The following IGSF11 variants were observed in gnomAD, a reference collection of about 807,000 sequenced individuals.
IGSF11 encodes the protein immunoglobulin superfamily member 11.
In IGSF11, 22 loss-of-function variants were observed where a neutral mutation model predicts 41.0. That is an observed-to-expected ratio of 0.54 (90% CI 0.38 to 0.77). The LOEUF (loss-of-function observed/expected upper bound fraction) is 0.77, where lower values mean the gene tolerates loss of function less well. IGSF11 is among the 30% of genes least tolerant of loss of function. The pLI is 0.00. For missense variants in IGSF11, 444 were observed against 530.8 expected (o/e 0.84, Z 1.61); for synonymous variants, 219 against 201.3 (o/e 1.09, Z -0.74).
chr3:119,080,899 T>C (rs1269925973), intron 1 of IGSF11, among the ~76,000 whole-genome samples: 5 of 152,202 alleles, frequency 3.3e-5, no homozygotes, highest in Non-Finnish European at 7.4e-5. Context: ...TCAAAAAATC[T>C]ATTAATATAT....
chr3:119,113,051 T>C (rs752549690), intron 1 of IGSF11, among the ~76,000 whole-genome samples: 1 of 152,156 alleles, frequency 6.6e-6, no homozygotes, highest in Non-Finnish European at 1.5e-5. Flanking sequence ...GTCTCTCAGA[T>C]GTCACTACCA....
intron 1 of IGSF11, among the ~76,000 whole-genome samples, chr3:118,954,017 G>C (rs1944780662): frequency 6.6e-6 from 1 of 152,118 alleles, no homozygotes; most frequent in Non-Finnish European, 1.5e-5. Flanking sequence ...TTATCTTCTA[G>C]AATTTTTATG....
At chr3:118,985,779 T>A (rs1224356555) in intron 1 of IGSF11, among the ~76,000 whole-genome samples, 1 of 152,172 alleles carries the variant, frequency 6.6e-6, no homozygotes, top group African/African-American at 2.4e-5. Flanking sequence ...TTTAGCCCCT[T>A]ATCATCTCTC....
intron 1 of IGSF11, among the ~76,000 whole-genome samples, chr3:119,005,007 C>T (rs980993336): frequency 1.2e-4 from 18 of 150,006 alleles, no homozygotes; most frequent in African/African-American, 4.2e-4. Context: ...AGTTCAATTC[C>T]TGGGTATCCT....
chr3:119,000,303 T>C (rs1936688676), intron 1 of IGSF11, among the ~76,000 whole-genome samples: 1 of 150,758 alleles, frequency 6.6e-6, no homozygotes, highest in Non-Finnish European at 1.5e-5. Context: ...CTGTGCACTC[T>C]TGATTCACAA....
At chr3:119,052,099 C>A (rs1270752984) in intron 1 of IGSF11, among the ~76,000 whole-genome samples, 1 of 151,952 alleles carries the variant, frequency 6.6e-6, no homozygotes, top group African/African-American at 2.4e-5. Flanking sequence ...CAAACCCAAA[C>A]CCAGAAGAAG....
intron 1 of IGSF11, among the ~76,000 whole-genome samples, chr3:118,934,905 G>T (rs572557641): frequency 4.6e-5 from 7 of 152,072 alleles, no homozygotes; most frequent in African/African-American, 1.4e-4. Context: ...CCTCTGTCTG[G>T]TTTGCTTTGT....
At chr3:119,042,257 G>C (rs1453492246) in intron 1 of IGSF11, among the ~76,000 whole-genome samples, 2 of 152,244 alleles carry the variant, frequency 1.3e-5, no homozygotes, top group African/African-American at 4.8e-5. Flanking sequence ...GAATCAGAGA[G>C]AGGCCACAGG....
Position 118,960,339 on chromosome 3 carries a change from T to C in IGSF11, c.53-30064A>G, listed in dbSNP as rs145797803. ...ACCTAGATGTCCAGCAACAGAGAAA[T>C]TGTTCATCAAAAAACTATTATACGG... On this transcript the variant is annotated intron_variant, in intron 1 of 6. Transcript: ENST00000393775. 2.0e-3 allele frequency among the ~76,000 whole-genome samples: 304 copies of C among 152,274 alleles called. 1 individual carries two copies. Among genetic ancestry groups the C allele is most frequent in the African/African-American group, 6.2e-3 (259 of 41,548 alleles).
At chr3:118,947,926 T>C (rs1316912924) in intron 1 of IGSF11, 2 of 152,230 alleles carry the variant, frequency 1.3e-5, no homozygotes, top group Admixed American at 6.5e-5. Context: ...ATAGCTATAG[T>C]TCATTTATTT....
intron 1 of IGSF11, among the ~76,000 whole-genome samples, chr3:119,025,625 T>G (rs1939743593): frequency 2.6e-5 from 4 of 152,090 alleles, no homozygotes; most frequent in Non-Finnish European, 4.4e-5. Context: ...TGATGAGTCA[T>G]AATTTAAAGC....
intron 1 of IGSF11, among the ~76,000 whole-genome samples, chr3:119,025,240 C>G (rs1413602240): frequency 6.6e-6 from 1 of 152,112 alleles, no homozygotes; most frequent in Non-Finnish European, 1.5e-5. Flanking sequence ...ATTTTCAATA[C>G]TGGAAACCAT....
intron 1 of IGSF11, among the ~76,000 whole-genome samples, chr3:119,127,921 G>A (rs1352124002): frequency 6.6e-6 from 1 of 152,110 alleles, no homozygotes; most frequent in Non-Finnish European, 1.5e-5. Flanking sequence ...CTATGGAAAG[G>A]AAAAGCCGGT....
intron 1 of IGSF11, among the ~76,000 whole-genome samples, chr3:118,969,231 TATAAAA>T (rs1933087786): frequency 1.3e-5 from 2 of 151,948 alleles, no homozygotes; most frequent in South Asian, 2.1e-4. Flanking sequence ...CTGTAGTGAC[TATAAAA>T]ATAAAGAAAG....
intron 3 of IGSF11, 84 bp downstream of exon 3, chr3:118,928,425 G>A (rs1576393513): frequency 2.0e-6 from 2 of 1,018,320 alleles, no homozygotes; most frequent in African/African-American, 1.6e-5. Flanking sequence ...GACTGAAGGT[G>A]TAGAAACAAG....
At chr3:118,946,227 A>C (rs1156527257) in intron 1 of IGSF11, among the ~76,000 whole-genome samples, 4 of 147,830 alleles carry the variant, frequency 2.7e-5, no homozygotes, top group South Asian at 2.1e-4. Flanking sequence ...CACACACACA[A>C]ACATATATAT....
At chr3:119,123,464 C>G (rs530614293) in intron 1 of IGSF11, among the ~76,000 whole-genome samples, 2 of 152,206 alleles carry the variant, frequency 1.3e-5, no homozygotes, top group Admixed American at 6.5e-5. Context: ...CTAGCTTTGC[C>G]GCTTGCCACC....
chr3:118,935,479 A>C (rs1322886200), intron 1 of IGSF11, among the ~76,000 whole-genome samples: 2 of 150,396 alleles, frequency 1.3e-5, no homozygotes, highest in Non-Finnish European at 3.0e-5. Context: ...GCCAAAAGAG[A>C]CTTTTAAGAC....
chr3:119,127,591 A>C (rs1468250010), intron 1 of IGSF11, among the ~76,000 whole-genome samples: 1 of 152,142 alleles, frequency 6.6e-6, no homozygotes, highest in African/African-American at 2.4e-5. Context: ...CAACCCCAAG[A>C]CACACAATCA....
Sources: gnomAD v4.1 joint callset for allele counts (sites outside exome capture counted in the v4.1 genomes callset) on GRCh38, gnomAD v4.1.1 for gene constraint, MANE v1.5 for transcripts, NCBI Gene and HGNC (gene_info 2026-07-23, HGNC 2026-07-21) for gene names.